The following IP6K1 variants were observed in gnomAD, a reference collection of about 807,000 sequenced individuals.
IP6K1 encodes inositol hexakisphosphate kinase 1.
IP6K1 carries 13 observed loss-of-function variants against 38.3 expected under a neutral mutation model. The observed-to-expected ratio is 0.34, with a 90% CI of 0.22 to 0.54. The LOEUF (loss-of-function observed/expected upper bound fraction) is 0.54. IP6K1 is among the 20% of genes least tolerant of loss of function. IP6K1 has a pLI of 0.92. For synonymous variants in IP6K1, 212 were observed against 229.9 expected, an observed-to-expected ratio of 0.92 and a Z score of 0.70; for missense variants, 397 against 599.8, an observed-to-expected ratio of 0.66 and a Z score of 3.53.
chr3:49,775,531 G>A, intron 1 of IP6K1: 1 of 1,033,622 alleles, frequency 9.7e-7, no homozygotes, highest in Non-Finnish European at 1.4e-6. Context: ...GATAGAGATG[G>A]CTGCCCAAAG....
At chr3:49,735,281 G>C (rs1036510722) in intron 3 of IP6K1, among the ~76,000 whole-genome samples, 5 of 152,182 alleles carry the variant, frequency 3.3e-5, no homozygotes, top group Non-Finnish European at 7.3e-5. Flanking sequence ...AGGAAGGCTT[G>C]AGCCCAGTAT....
chr3:49,760,181 C>A (rs1277569135), intron 1 of IP6K1, among the ~76,000 whole-genome samples: 5 of 152,134 alleles, frequency 3.3e-5, no homozygotes, highest in Non-Finnish European at 7.3e-5. Context: ...TAGGCCTGAA[C>A]CACCATGCCC....
At chr3:49,732,022 G>C (rs551663589) in intron 4 of IP6K1, among the ~76,000 whole-genome samples, 1 of 151,806 alleles carries the variant, frequency 6.6e-6, no homozygotes, top group Non-Finnish European at 1.5e-5. Context: ...CTGCAGTCTC[G>C]ACTTCCTGGG....
intron 2 of IP6K1, among the ~76,000 whole-genome samples, chr3:49,739,595 C>T (rs975077204): frequency 1.3e-5 from 2 of 151,970 alleles, no homozygotes; most frequent in African/African-American, 4.8e-5. Context: ...CCTCGTGATC[C>T]ACCCGTCTCG....
intron 2 of IP6K1, 138 bp from the exon 3 acceptor site, chr3:49,738,560 A>C (rs1575307599): frequency 1.5e-6 from 1 of 668,946 alleles, no homozygotes; most frequent in Non-Finnish European, 2.7e-6. Context: ...TATCAGAACA[A>C]CAGCCAGCAG....
At chr3:49,783,591 T>C (rs2081086788) in intron 1 of IP6K1, among the ~76,000 whole-genome samples, 3 of 151,642 alleles carry the variant, frequency 2.0e-5, no homozygotes, top group Admixed American at 1.3e-4. Flanking sequence ...CAGGTGCCTA[T>C]AGTCCCAGCT....
intron 1 of IP6K1, among the ~76,000 whole-genome samples, chr3:49,753,045 G>A (rs1293714933): frequency 6.6e-6 from 1 of 152,110 alleles, no homozygotes; most frequent in African/African-American, 2.4e-5. Flanking sequence ...ACAGGCATGA[G>A]CCACTATGCC....
chr3:49,765,542 T>A (rs1296217155), intron 1 of IP6K1, among the ~76,000 whole-genome samples: 1 of 148,560 alleles, frequency 6.7e-6, no homozygotes, highest in Non-Finnish European at 1.5e-5. Flanking sequence ...CCCAGCTACT[T>A]GGGAGGCTGA....
chr3:49,767,131 T>G (rs2080919203), intron 1 of IP6K1, among the ~76,000 whole-genome samples: 1 of 151,562 alleles, frequency 6.6e-6, no homozygotes, highest in Admixed American at 6.6e-5. Context: ...AAAAATCAGC[T>G]GAGTTGCACT....
At chr3:49,780,435 G>A (rs993339137) in intron 1 of IP6K1, among the ~76,000 whole-genome samples, 8 of 151,848 alleles carry the variant, frequency 5.3e-5, no homozygotes, top group Non-Finnish European at 8.8e-5. Flanking sequence ...CAAAAGCACA[G>A]ATCCAGAGCC....
At chr3:49,756,745 G>A (rs954355938) in intron 1 of IP6K1, among the ~76,000 whole-genome samples, 1 of 149,004 alleles carries the variant, frequency 6.7e-6, no homozygotes, top group African/African-American at 2.5e-5. Flanking sequence ...AACCCAGAAG[G>A]CAGAGGTTTA....
At chr3:49,739,545 G>A (rs1008133418) in intron 2 of IP6K1, among the ~76,000 whole-genome samples, 5 of 151,420 alleles carry the variant, frequency 3.3e-5, no homozygotes, top group African/African-American at 7.3e-5. Context: ...TAGTAGAGAC[G>A]GGGTTTCACC....
At chr3:49,768,974 C>T (rs1029685107) in intron 1 of IP6K1, among the ~76,000 whole-genome samples, 8 of 152,016 alleles carry the variant, frequency 5.3e-5, no homozygotes, top group African/African-American at 1.5e-4. Context: ...TAAAATTCTA[C>T]ATTTTCTCAT....
rs1376456697 is a variant in IP6K1 at position 49,724,661 on chromosome 3, G to C, written c.*2461C>G. Reference sequence around the variant, plus strand: ...TAAAGTTCAAAGCAGTCTGCATCTAGGGAACGTGCATGTGGTCAGGAGTGA... The same window carrying C: ...TAAAGTTCAAAGCAGTCTGCATCTACGGAACGTGCATGTGGTCAGGAGTGA... On this transcript the variant is annotated 3_prime_UTR_variant, in exon 6 of 6. Coordinates refer to ENST00000321599, the MANE Select transcript of IP6K1 (RefSeq NM_153273.4). 6.5e-6 allele frequency: 1 copy of C among 152,694 alleles called. No homozygotes were observed. Among genetic ancestry groups the C allele is most frequent in the Non-Finnish European group, 1.5e-5 (1 of 68,066 alleles). 9.5% of individuals were successfully genotyped at this position (152,694 alleles called of 1,614,324 possible).
intron 2 of IP6K1, among the ~76,000 whole-genome samples, chr3:49,744,168 C>T (rs1490088413): frequency 7.3e-5 from 11 of 151,070 alleles, no homozygotes; most frequent in African/African-American, 2.4e-4. Flanking sequence ...TTTGGGAGGC[C>T]GAGGCAGGTG....
intron 1 of IP6K1, among the ~76,000 whole-genome samples, chr3:49,781,567 C>G (rs1257901573): frequency 6.6e-6 from 1 of 152,124 alleles, no homozygotes; most frequent in African/African-American, 2.4e-5. Context: ...CCATAGGTCA[C>G]TGGATTCAGC....
Position 49,726,283 on chromosome 3 carries a change from A to T in IP6K1, c.*839T>A, listed in dbSNP as rs2080501095. On this transcript the variant is annotated 3_prime_UTR_variant, in exon 6 of 6. Coordinates refer to ENST00000321599, the MANE Select transcript of IP6K1 (RefSeq NM_153273.4). ...CCATCCAGCAGCAGCACAGCTGCCG[A>T]AACTTGAGGAAGAAGACTCCCACCC... The T allele has an allele frequency of 6.5e-6, 1 of 152,988 alleles. No homozygotes were observed. Among genetic ancestry groups the T allele is most frequent in the Non-Finnish European group, 1.5e-5 (1 of 68,296 alleles). The allele number at this position is 152,988 out of a possible 1,614,324, so 9.5% of individuals were successfully genotyped here. A position where few individuals can be genotyped will look rare whatever the true frequency, so the allele number is the denominator to read the frequency against.
At position 49,727,485 on chromosome 3, in the gene IP6K1, C is replaced by G; in HGVS notation, c.963G>C (p.Val321=). 6.2e-7 allele frequency: 1 copy of G among 1,614,224 alleles called. No homozygotes were observed. The highest frequency in any genetic ancestry group is 8.5e-7 in the Non-Finnish European group (1 of 1,180,038). Residue 321 remains valine, a synonymous_variant, in exon 6 of 6, where the codon GTG becomes GTC. Transcript: ENST00000321599. The surrounding 1 kb of genome is among the most constrained non-coding windows in gnomAD (Gnocchi z 5.9). ...ILSKLRGLKA[V]LERQASYRFY... is the part of the protein sequence containing the mutation. ...AGCGGTAAGAGGCCTGCCGCTCCAG[C>G]ACAGCTTTCAGGCCCCGCAGTTTGC...
At position 49,774,298 on chromosome 3, in the gene IP6K1, C is replaced by G. The variant is rs1219713079; in HGVS notation, c.-129+12056G>C. ...TGGCGGGTGCCTGTAGTCCCAGCTACTCGAGAAGCTGAGGCAGGAGAATGG... is the reference window on the plus strand; with the variant it reads ...TGGCGGGTGCCTGTAGTCCCAGCTAGTCGAGAAGCTGAGGCAGGAGAATGG... On this transcript the variant is annotated intron_variant, in intron 1 of 5. Coordinates refer to ENST00000321599, the MANE Select transcript of IP6K1 (RefSeq NM_153273.4). Among the ~76,000 whole-genome samples the G allele has an allele frequency of 2.7e-5, 4 of 149,868 alleles. No homozygotes were observed. In the South Asian group the frequency reaches 8.3e-4, roughly 31 times the overall value.
Sources: allele counts gnomAD v4.1 joint callset (sites outside exome capture counted in the v4.1 genomes callset), GRCh38; gene constraint gnomAD v4.1.1; non-coding constraint Gnocchi (gnomAD v3.1); transcripts MANE v1.5; gene names NCBI Gene and HGNC (gene_info 2026-07-23, HGNC 2026-07-21).